The following FXR1 variants were observed in gnomAD, a reference collection of about 807,000 sequenced individuals.
FXR1 encodes the protein RNA-binding protein FXR1.
A neutral mutation model predicts 84.0 loss-of-function variants in FXR1; 15 were observed. That is an observed-to-expected ratio of 0.18 (90% CI 0.12 to 0.27). FXR1 has a LOEUF of 0.27. Among genes scored for constraint, FXR1 ranks in the 10% least tolerant of loss-of-function variants. The pLI is 1.00. For synonymous variants in FXR1, 245 were observed against 250.7 expected (o/e 0.98, Z 0.21); for missense variants, 480 against 774.4 (o/e 0.62, Z 4.51).
chr3:180,982,521 C>A lies in FXR1; in HGVS notation c.*6229C>A, dbSNP rs1177425462. 1 of 152,122 alleles carries A rather than the reference C, an allele frequency of 6.6e-6. No individual in the cohort carries two copies. Among genetic ancestry groups the A allele is most frequent in the Non-Finnish European group, 1.5e-5 (1 of 67,990 alleles). The allele number at this position is 152,122 out of a possible 1,614,324, so 9.4% of individuals were successfully genotyped here. On this transcript the variant is annotated 3_prime_UTR_variant, in exon 17 of 17. Transcript: ENST00000357559. ...TTTTAAGTGGTTTCCATTGTCTTAA[C>A]ACCTGTCTTAAAACGGGTATGTTGT...
chr3:180,968,326 C>T, intron 14 of FXR1, 72 bp downstream of exon 14: 1 of 968,094 alleles, frequency 1.0e-6, no homozygotes, highest in Non-Finnish European at 1.6e-6. Context: ...TAATTCATCT[C>T]CCAGGGCCAC....
intron 1 of FXR1, among the ~76,000 whole-genome samples, chr3:180,924,119 G>A (rs988306211): frequency 6.6e-5 from 10 of 152,020 alleles, no homozygotes; most frequent in African/African-American, 2.4e-4. Flanking sequence ...CCACCATGCC[G>A]AGCTAATTTT....
chr3:180,948,608 T>C, intron 5 of FXR1, 113 bp downstream of exon 5: 1 of 994,614 alleles, frequency 1.0e-6, no homozygotes. Flanking sequence ...ATCATCTTAA[T>C]GAACAAAGGT....
rs1450037925 is a variant in FXR1 at position 180,978,347 on chromosome 3, T to G, written c.*2055T>G. The stretch of plus-strand genomic sequence containing the variant: ...CATTCTAGCAATAACCACACTAAGT[T>G]CATTACTTTACAAATGACTAAACCC... On this transcript the variant is annotated 3_prime_UTR_variant, in exon 17 of 17. Coordinates refer to ENST00000357559, the MANE Select transcript of FXR1 (RefSeq NM_005087.4). 6.6e-6 allele frequency: 1 copy of G among 152,044 alleles called. No homozygotes were observed. 9.4% of individuals were successfully genotyped at this position (152,044 alleles called of 1,614,324 possible).
At chr3:180,923,082 T>C (rs1234800059) in intron 1 of FXR1, among the ~76,000 whole-genome samples, 1 of 152,252 alleles carries the variant, frequency 6.6e-6, no homozygotes, top group Non-Finnish European at 1.5e-5. Flanking sequence ...AGTTTTATTT[T>C]TACATTTAAA....
At chr3:180,972,025 A>AGAGAATTAG (rs761618606) in intron 15 of FXR1, among the ~76,000 whole-genome samples, 1 of 152,228 alleles carries the variant, frequency 6.6e-6, no homozygotes, top group Non-Finnish European at 1.5e-5. Flanking sequence ...AAACTGGTTA[A>AGAGAATTAG]GAGAATTAGT....
At chr3:180,966,978 T>C (rs764885408) in intron 13 of FXR1, among the ~76,000 whole-genome samples, 36 of 151,876 alleles carry the variant, frequency 2.4e-4, no homozygotes, top group Non-Finnish European at 4.4e-4. Flanking sequence ...GGTGTTTAAA[T>C]AAATTTTTGA....
chr3:180,973,157 T>C (rs1439404976), intron 15 of FXR1, among the ~76,000 whole-genome samples: 3 of 152,240 alleles, frequency 2.0e-5, no homozygotes, highest in East Asian at 1.9e-4. Context: ...ATTGGACTTT[T>C]AAGGGGCTTG....
chr3:180,915,507 A>T, intron 1 of FXR1: 1 of 1,497,152 alleles, frequency 6.7e-7, no homozygotes, highest in Non-Finnish European at 9.0e-7. Context: ...TCCAATTTAG[A>T]AGATAATACA....
At chr3:180,966,306 T>C (rs919358095) in intron 13 of FXR1, among the ~76,000 whole-genome samples, 1 of 152,220 alleles carries the variant, frequency 6.6e-6, no homozygotes, top group Non-Finnish European at 1.5e-5. Flanking sequence ...TAATTGTTTT[T>C]ATAATTGACT....
intron 1 of FXR1, among the ~76,000 whole-genome samples, chr3:180,928,339 T>C (rs1391219584): frequency 6.6e-6 from 1 of 152,024 alleles, no homozygotes; most frequent in African/African-American, 2.4e-5. Flanking sequence ...TTGGTAAGTA[T>C]AGAGTGTTAT....
chr3:180,939,490 T>C (rs1720894837), intron 3 of FXR1, among the ~76,000 whole-genome samples: 1 of 152,164 alleles, frequency 6.6e-6, no homozygotes, highest in African/African-American at 2.4e-5. Context: ...AAGAGATGCA[T>C]GAGGCAAGGT....
At chr3:180,912,811 AGAGT>A (rs1384737001) in intron 1 of FXR1, 75 bp downstream of exon 1, 48 of 1,611,062 alleles carry the variant, frequency 3.0e-5, no homozygotes, top group Non-Finnish European at 3.9e-5. Flanking sequence ...GTGGTCCCAG[AGAGT>A]GAGGTTTGGG....
chr3:180,976,158 A>G lies in FXR1; in HGVS notation c.1732A>G (p.Lys578Glu), dbSNP rs111774718. ...DVIEEHGPSE[K>E]AINGPTSASG... ...GATTGAAGAGCATGGTCCTTCAGAA[A>G]AGGCAATAAACGGCCCAACTAGTGC... The change falls in exon 17 of 17, where the codon AAG (lysine) becomes GAG (glutamate). Residue 578 changes from lysine (K) to glutamate (E), a missense_variant. By Grantham distance (56) the Lys-to-Glu change is moderately conservative. Around this residue, in one of 6 missense-constraint regions of FXR1, gnomAD observed 94 missense variants for 81.8 expected, o/e 1.15. Transcript: ENST00000357559. The G allele has an allele frequency of 6.7e-5, 108 of 1,613,274 alleles. No homozygotes were observed. In the African/African-American group the frequency reaches 1.3e-3, roughly 20 times the overall value.
At chr3:180,960,179 G>C (rs575916052) in intron 10 of FXR1, among the ~76,000 whole-genome samples, 1 of 152,244 alleles carries the variant, frequency 6.6e-6, no homozygotes, top group Non-Finnish European at 1.5e-5. Context: ...CAGAAGTTCA[G>C]CAAAGTAAAC....
At chr3:180,938,192 T>TA (rs1208829153) in intron 3 of FXR1, among the ~76,000 whole-genome samples, 1 of 152,234 alleles carries the variant, frequency 6.6e-6, no homozygotes, top group Non-Finnish European at 1.5e-5. Flanking sequence ...TTAATATTCT[T>TA]ATGCAAGTCT....
chr3:180,970,106 C>T, intron 14 of FXR1, 52 bp from the exon 15 acceptor site: 1 of 932,422 alleles, frequency 1.1e-6, no homozygotes, highest in Non-Finnish European at 1.8e-6. Context: ...ATCAAACATT[C>T]ATAATTGCAG....
At chr3:180,933,935 C>A (rs13093137) in intron 2 of FXR1, among the ~76,000 whole-genome samples, 25,859 of 151,918 alleles carry the variant, frequency 0.17, 2,421 homozygotes, top group Middle Eastern at 0.24. Flanking sequence ...CATGGTGAAA[C>A]CCTGTCTCTA....
intron 16 of FXR1, among the ~76,000 whole-genome samples, chr3:180,975,801 A>C (rs1577014192): frequency 6.6e-6 from 1 of 152,258 alleles, no homozygotes; most frequent in Non-Finnish European, 1.5e-5. Context: ...AAAGTAGGTG[A>C]TTATTTGTTT....
Sources: allele counts gnomAD v4.1 joint callset (sites outside exome capture counted in the v4.1 genomes callset), GRCh38; gene constraint gnomAD v4.1.1; regional missense constraint gnomAD v4.1.1; transcripts MANE v1.5; gene names NCBI Gene and HGNC (gene_info 2026-07-23, HGNC 2026-07-21).